The following C2 variants were observed in gnomAD, a reference collection of about 807,000 sequenced individuals.
The protein encoded by C2 is complement C2, also known as C3/C5 convertase.
In C2, 64 loss-of-function variants were observed where a neutral mutation model predicts 85.2. The ratio of observed to expected loss-of-function variants is 0.75; its 90% confidence interval spans 0.61 to 0.92. The LOEUF (loss-of-function observed/expected upper bound fraction) is 0.92, where lower values mean the gene tolerates loss of function less well. Ranked by LOEUF, C2 falls within the 40% of genes least tolerant of loss-of-function variation. The pLI is 0.00. For missense variants in C2, 820 were observed against 971.6 expected (o/e 0.84, Z 2.07); for synonymous variants, 311 against 370.8 (o/e 0.84, Z 1.85).
intron 8 of C2, among the ~76,000 whole-genome samples, chr6:31,938,456 G>GTATATATATATATGTATACATACATATA (rs1770601661): frequency 6.9e-6 from 1 of 144,258 alleles, no homozygotes; most frequent in African/African-American, 2.5e-5. Flanking sequence ...ATATATGTAT[G>GTATATATATATATGTATACATACATATA]TATATATATA....
chr6:31,899,081 T>G (rs924652777), upstream of C2, among the ~76,000 whole-genome samples: 17 of 150,706 alleles, frequency 1.1e-4, no homozygotes, highest in African/African-American at 1.7e-4. Flanking sequence ...AAAAAAAAAG[T>G]TTTTTTTTGT....
rs553481742 is a variant in C2 at position 31,935,123 on chromosome 6, A to G, written c.850-800A>G. On this transcript the variant is annotated intron_variant, in intron 6 of 17. Transcript: ENST00000299367. This position sits in a 1 kb window ranked among gnomAD's most constrained non-coding sequence, Gnocchi z 4.3. The stretch of plus-strand genomic sequence containing the variant: ...GTTTTGTAATTGTGCTTTTCACAAT[A>G]CTTCATGTAACATTATAGATGGTTT... The G allele has an allele frequency of 5.2e-6, 5 of 952,652 alleles. No individual in the cohort carries two copies. Among genetic ancestry groups the G allele is most frequent in the Middle Eastern group, 5.4e-4 (1 of 1,842 alleles). 59.0% of individuals were successfully genotyped at this position (952,652 alleles called of 1,614,324 possible).
chr6:31,909,921 C>G (rs1767976453), intron 1 of C2, among the ~76,000 whole-genome samples: 1 of 151,340 alleles, frequency 6.6e-6, no homozygotes, highest in Admixed American at 6.6e-5. Flanking sequence ...CACTCTGTTG[C>G]CCCGGCTAGA....
Position 31,944,445 on chromosome 6 carries a change from G to A in C2, c.1902+219G>A, listed in dbSNP as rs1269697045. Among the ~76,000 whole-genome samples the A allele has an allele frequency of 2.6e-5, 4 of 152,094 alleles. No homozygotes were observed. Among genetic ancestry groups the A allele is most frequent in the Non-Finnish European group, 5.9e-5 (4 of 68,020 alleles). On this transcript the variant is annotated intron_variant, in intron 15 of 17. Transcript: ENST00000299367. The surrounding 1 kb of genome is among the most constrained non-coding windows in gnomAD (Gnocchi z 5.1). The stretch of plus-strand genomic sequence containing the variant: ...CTCCCAGGCTGGAGTGCAGTGGCAC[G>A]ACCTCAGCTCACTGCAACTTCTGCC...
At chr6:31,911,962 C>T (rs1174842400) in intron 1 of C2, among the ~76,000 whole-genome samples, 2 of 144,404 alleles carry the variant, frequency 1.4e-5, no homozygotes. Context: ...AATTTGAGAC[C>T]GGGTCACTAC....
chr6:31,926,499 A>AT (rs1471814050), upstream of C2, among the ~76,000 whole-genome samples: 1 of 151,358 alleles, frequency 6.6e-6, no homozygotes, highest in Non-Finnish European at 1.5e-5. Flanking sequence ...CACCCGGCTA[A>AT]TTTTTTGTAA....
At chr6:31,911,620 GTTTC>G (rs1378857982) in intron 1 of C2, among the ~76,000 whole-genome samples, 31 of 149,094 alleles carry the variant, frequency 2.1e-4, no homozygotes, top group African/African-American at 7.1e-4. Context: ...GAGATTCTGT[GTTTC>G]TTTCTTTTTT....
intron 8 of C2, 60 bp from the exon 9 acceptor site, chr6:31,939,171 T>G: frequency 8.2e-7 from 1 of 1,218,912 alleles, no homozygotes; most frequent in Non-Finnish European, 1.2e-6. Context: ...TTCCTACTCT[T>G]CCAGGGCCTG....
intron 3 of C2, among the ~76,000 whole-genome samples, chr6:31,932,675 G>T (rs1243560436): frequency 5.3e-5 from 8 of 151,498 alleles, no homozygotes; most frequent in Non-Finnish European, 1.0e-4. Context: ...CAGACGATGG[G>T]TGGCCAGGCG....
upstream of C2, among the ~76,000 whole-genome samples, chr6:31,926,335 C>CT (rs9281627): frequency 0.35 from 49,983 of 143,786 alleles, 9,710 homozygotes; most frequent in East Asian, 0.59. Flanking sequence ...TTTGTGTACT[C>CT]TTTTTTTTTT....
chr6:31,936,064 A>T lies in C2; in HGVS notation c.988+3A>T. ...CCTGGAAAATGCCAACTATAAAGGTACGGGTGTCATCACGTGATGGTGATG... is the reference window on the plus strand; with the variant it reads ...CCTGGAAAATGCCAACTATAAAGGTTCGGGTGTCATCACGTGATGGTGATG... On this transcript the variant is annotated splice_donor_region_variant and intron_variant, in intron 7 of 17. Coordinates refer to ENST00000299367, the MANE Select transcript of C2 (RefSeq NM_000063.6). 1 of 1,612,902 alleles carries T rather than the reference A, an allele frequency of 6.2e-7. No individual in the cohort carries two copies. Among genetic ancestry groups the T allele is most frequent in the Non-Finnish European group, 8.5e-7 (1 of 1,179,948 alleles).
At chr6:31,931,795 G>A (rs1463165173) in intron 3 of C2, among the ~76,000 whole-genome samples, 12 of 152,130 alleles carry the variant, frequency 7.9e-5, no homozygotes, top group African/African-American at 2.9e-4. Flanking sequence ...TCCCAGACGG[G>A]GTGGTGGCCG....
chr6:31,902,156 G>A (rs1425707123), intron 1 of C2, among the ~76,000 whole-genome samples: 4 of 143,832 alleles, frequency 2.8e-5, no homozygotes, highest in African/African-American at 1.0e-4. Flanking sequence ...CCCCCACGCG[G>A]TTAAAGGGCC....
rs757563244 is a variant in C2, at chr6:31,943,506, T to C, written c.1546T>C (p.Ser516Pro). 3.7e-6 allele frequency: 6 copies of C among 1,612,806 alleles called. No homozygotes were observed. Among genetic ancestry groups the C allele is most frequent in the Admixed American group, 1.7e-5 (1 of 59,998 alleles). ...TTGCTTCCGCGATGGCAACGACCAC[T>C]CCCTGTGGAGGGTCAATGTGGGTAA... ...AHCFRDGNDHSLWRVNVGDPK... is the reference protein window; with the variant it reads ...AHCFRDGNDHPLWRVNVGDPK... The change falls in exon 12 of 18, where the codon TCC (serine) becomes CCC (proline). Residue 516 changes from serine (S) to proline (P), a missense_variant. By Grantham distance (74) the Ser-to-Pro change is moderately conservative. Transcript: ENST00000299367. This position sits in a 1 kb window ranked among gnomAD's most constrained non-coding sequence, Gnocchi z 6.4.
upstream of C2, chr6:31,900,530 G>A: frequency 1.2e-6 from 2 of 1,611,928 alleles, no homozygotes; most frequent in South Asian, 1.1e-5. The surrounding 1 kb of genome is among the most constrained non-coding windows in gnomAD (Gnocchi z 9.7). Context: ...CACACCCTGC[G>A]GTGGGGCTAC....
At chr6:31,929,838 A>G (rs1279656379) in intron 3 of C2, among the ~76,000 whole-genome samples, 1 of 151,754 alleles carries the variant, frequency 6.6e-6, no homozygotes, top group Non-Finnish European at 1.5e-5. Flanking sequence ...AGCCTGGTCA[A>G]CGTGGTGAAA....
At position 31,943,500 on chromosome 6, in the gene C2, G is replaced by T. The variant is rs751852076; in HGVS notation, c.1540G>T (p.Asp514Tyr). 3 of 1,613,006 alleles carry T rather than the reference G, an allele frequency of 1.9e-6. No homozygotes were observed. Among genetic ancestry groups the T allele is most frequent in the Non-Finnish European group, 2.5e-6 (3 of 1,180,020 alleles). ...AGCTCATTGCTTCCGCGATGGCAAC[G>T]ACCACTCCCTGTGGAGGGTCAATGT... The part of the protein sequence containing the change: ...TAAHCFRDGN[D>Y]HSLWRVNVGD... The change falls in exon 12 of 18, where the codon GAC becomes TAC. Residue 514 changes from aspartate to tyrosine, a missense_variant. Transcript: ENST00000299367. The surrounding 1 kb of genome is among the most constrained non-coding windows in gnomAD (Gnocchi z 6.4).
Position 31,920,054 on chromosome 6 carries a change from A to T in C2, c.-100+28A>T, listed in dbSNP as rs1461024809. The T allele has an allele frequency of 6.6e-6, 1 of 152,242 alleles. No homozygotes were observed. Among genetic ancestry groups the T allele is most frequent in the African/African-American group, 2.4e-5 (1 of 41,446 alleles). 9.4% of individuals were successfully genotyped at this position (152,242 alleles called of 1,614,324 possible). On this transcript the variant is annotated intron_variant, in intron 1 of 3. Transcript: ENST00000413154. The surrounding 1 kb of genome is among the most constrained non-coding windows in gnomAD (Gnocchi z 5.6). Reference sequence around the variant, plus strand: ...GAGTAAGGCTACGAAATAGCTAATGAATTTGCCAAGCCAAACCTGAGGTTC... The same window carrying T: ...GAGTAAGGCTACGAAATAGCTAATGTATTTGCCAAGCCAAACCTGAGGTTC...
Position 31,944,929 on chromosome 6 carries a change from A to C in C2, c.2030-51A>C. 1 of 1,612,728 alleles carries C rather than the reference A, an allele frequency of 6.2e-7. No homozygotes were observed. The highest frequency in any genetic ancestry group is 8.5e-7 in the Non-Finnish European group (1 of 1,179,748). On this transcript the variant is annotated intron_variant, in intron 16 of 17. Coordinates refer to ENST00000299367, the MANE Select transcript of C2 (RefSeq NM_000063.6). This position sits in a 1 kb window ranked among gnomAD's most constrained non-coding sequence, Gnocchi z 5.1. ...CTGTGGCCAGCATGCATGCCAGAAC[A>C]CCAGTCCACTGCCCTAGATGACACT... is the stretch of plus-strand genomic sequence containing the variant.
Sources: gnomAD v4.1 joint callset for allele counts (sites outside exome capture counted in the v4.1 genomes callset) on GRCh38, gnomAD v4.1.1 for gene constraint, Gnocchi (gnomAD v3.1) non-coding constraint, MANE v1.5 for transcripts, NCBI Gene and HGNC (gene_info 2026-07-23, HGNC 2026-07-21) for gene names.